The following CHRNA6 variants were observed in gnomAD, a reference collection of about 807,000 sequenced individuals.
CHRNA6 encodes cholinergic receptor nicotinic alpha 6 subunit.
CHRNA6 carries 31 observed loss-of-function variants against 40.9 expected under a neutral mutation model. That is an observed-to-expected ratio of 0.76 (90% CI 0.57 to 1.02). The LOEUF is 1.02. CHRNA6 is among the 50% of genes least tolerant of loss of function. The pLI is 0.00. For missense variants in CHRNA6, 546 were observed against 596.6 expected (o/e 0.92, Z 0.88); for synonymous variants, 222 against 221.3 (o/e 1.00, Z -0.03).
Position 42,759,133 on chromosome 8 carries a change from C to T in CHRNA6, c.220-20G>A, listed in dbSNP as rs927586215. The T allele has an allele frequency of 1.9e-6, 3 of 1,607,736 alleles. No homozygotes were observed. In the Admixed American group the frequency reaches 5.0e-5, roughly 27 times the overall value. On this transcript the variant is annotated intron_variant, in intron 2 of 5. Transcript: ENST00000276410. ...TTCATCCTGGGAAGAAGAAATAATA[C>T]TTTTAGCCTCAAATGTGCTTGCCAT...
intron 1 of CHRNA6, among the ~76,000 whole-genome samples, chr8:42,767,333 G>A (rs895415131): frequency 6.6e-6 from 1 of 152,142 alleles, no homozygotes; most frequent in African/African-American, 2.4e-5. Context: ...CTAAATTCTA[G>A]ACAATAACTT....
In CHRNA6 at chr8:42,757,005, T is replaced by C; in HGVS notation, c.297A>G (p.Pro99=). ...IWNDYKLRWD[P]MEYDGIETLR... ...GAGTCTCAATGCCATCATATTCCAT[T>C]GGATCCCAGCGCAATTTATAATCAT... The change falls in exon 4 of 6, where the codon CCA becomes CCG. Residue 99 remains proline, a synonymous_variant. Coordinates refer to ENST00000276410, the MANE Select transcript of CHRNA6 (RefSeq NM_004198.3). 6.2e-7 allele frequency: 1 copy of C among 1,613,310 alleles called. No individual in the cohort carries two copies. The highest frequency in any genetic ancestry group is 8.5e-7 in the Non-Finnish European group (1 of 1,179,214).
chr8:42,768,280 G>C lies in CHRNA6; in HGVS notation c.79+72C>G. The C allele has an allele frequency of 2.4e-6, 3 of 1,237,644 alleles. No homozygotes were observed. In the South Asian group the frequency reaches 3.8e-5, roughly 16 times the overall value. 76.7% of individuals were successfully genotyped at this position (1,237,644 alleles called of 1,614,324 possible). On this transcript the variant is annotated intron_variant, in intron 1 of 5. Coordinates refer to ENST00000276410, the MANE Select transcript of CHRNA6 (RefSeq NM_004198.3). The stretch of plus-strand genomic sequence containing the variant: ...AACTTTTATTAATATATCTTCTCAA[G>C]CACAACTAGAAAAGAGAGTAAACAC...
In CHRNA6 at chr8:42,755,921, C is replaced by CGAGT. The variant is rs1563623563; in HGVS notation, c.1274_1277dup (p.Pro427LeufsTer3). ...TGTTAATCACATCTTCAACTTCAGG[C>CGAGT]GAGTGCTCCGAATTTTCCACCACCC... On this transcript the variant is annotated frameshift_variant, in exon 5 of 6. Coordinates refer to ENST00000276410, the MANE Select transcript of CHRNA6 (RefSeq NM_004198.3). LOFTEE classifies it high-confidence loss of function. 1 of 1,614,084 alleles carries CGAGT rather than the reference C, an allele frequency of 6.2e-7. No individual in the cohort carries two copies. The highest frequency in any genetic ancestry group is 1.3e-5 in the African/African-American group (1 of 74,938).
chr8:42,755,175 C>T (rs894820517), intron 5 of CHRNA6, among the ~76,000 whole-genome samples: 27 of 144,072 alleles, frequency 1.9e-4, no homozygotes, highest in African/African-American at 3.7e-4. Flanking sequence ...TGCACCAACA[C>T]GCCTGCTAAT....
At chr8:42,764,937 C>T in intron 2 of CHRNA6, 128 bp downstream of exon 2, 1 of 1,035,210 alleles carries the variant, frequency 9.7e-7, no homozygotes, top group Non-Finnish European at 1.4e-6. Flanking sequence ...GCCTGCCTCC[C>T]AAATGGATGG....
chr8:42,764,786 G>T (rs1043103961), intron 2 of CHRNA6, among the ~76,000 whole-genome samples: 1 of 152,142 alleles, frequency 6.6e-6, no homozygotes, highest in African/African-American at 2.4e-5. Context: ...GTGTAAACAG[G>T]CGTCTGGTGC....
chr8:42,755,269 A>ATGTTTGTTTGTTTGTTTGTT (rs111982947), intron 5 of CHRNA6, among the ~76,000 whole-genome samples: 53 of 148,374 alleles, frequency 3.6e-4, no homozygotes, highest in African/African-American at 1.1e-3. Context: ...GTTGCCCTGA[A>ATGTTTGTTTGTTTGTTTGTT]TGTTTGTTTG....
chr8:42,758,050 A>AT (rs1816836861), intron 3 of CHRNA6, among the ~76,000 whole-genome samples: 1 of 151,844 alleles, frequency 6.6e-6, no homozygotes, highest in African/African-American at 2.4e-5. Context: ...AAACCAAAAA[A>AT]CAAAAAAAAA....
rs758160316 is a variant in CHRNA6, at chr8:42,765,085, T to A, written c.199A>T (p.Ile67Phe). ...DPVTVHFEVA[I>F]TQLANVDEVN... ...CTCACCACGTTGGCCAGCTGGGTGA[T>A]GGCCACTTCAAAGTGTACCGTGACA... is the stretch of plus-strand genomic sequence containing the variant. The change falls in exon 2 of 6, where the codon ATC (isoleucine) becomes TTC (phenylalanine). Residue 67 changes from isoleucine to phenylalanine, a missense_variant. Ile to Phe is a conservative substitution (Grantham distance 21). Transcript: ENST00000276410. 6.2e-7 allele frequency: 1 copy of A among 1,614,162 alleles called. No homozygotes were observed. The highest frequency in any genetic ancestry group is 2.2e-5 in the East Asian group (1 of 44,886).
At position 42,768,388 on chromosome 8, in the gene CHRNA6, A is replaced by C. The variant is rs200229186; in HGVS notation, c.43T>G (p.Cys15Gly). Residue 15 changes from cysteine (C) to glycine (G), a missense_variant, in exon 1 of 6, where the codon TGT becomes GGT. By Grantham distance (159) the Cys-to-Gly change is radical. Coordinates refer to ENST00000276410, the MANE Select transcript of CHRNA6 (RefSeq NM_004198.3). ...KGQGFLHGGL[C>G]LWLCVFTPFF... ...GGTGTGAACACACACAGCCAGAGACACAAGCCCCCATGAAGGAATCCCTGC... is the reference window on the plus strand; with the variant it reads ...GGTGTGAACACACACAGCCAGAGACCCAAGCCCCCATGAAGGAATCCCTGC... The C allele has an allele frequency of 2.2e-5, 35 of 1,614,202 alleles. No individual in the cohort carries two copies. The African/African-American group carries it at 3.7e-4, about 17-fold the overall frequency.
At chr8:42,757,896 G>T (rs1271334035) in intron 3 of CHRNA6, among the ~76,000 whole-genome samples, 4 of 148,540 alleles carry the variant, frequency 2.7e-5, no homozygotes, top group African/African-American at 9.9e-5. Flanking sequence ...TTAGCCGGGC[G>T]TGGTGGCGGG....
Position 42,759,055 on chromosome 8 carries a change from A to G in CHRNA6, c.264+14T>C. 1 of 1,604,280 alleles carries G rather than the reference A, an allele frequency of 6.2e-7. No individual in the cohort carries two copies. The highest frequency in any genetic ancestry group is 8.5e-7 in the Non-Finnish European group (1 of 1,171,028). ...TTCAACATCATTAAGCCAACACATGATATAGGCACATACGTGACGCAGCCA... is the reference window on the plus strand; with the variant it reads ...TTCAACATCATTAAGCCAACACATGGTATAGGCACATACGTGACGCAGCCA... On this transcript the variant is annotated intron_variant, in intron 3 of 5. Transcript: ENST00000276410.
chr8:42,755,052 T>TC (rs1465383082), intron 5 of CHRNA6, among the ~76,000 whole-genome samples: 1 of 150,664 alleles, frequency 6.6e-6, no homozygotes, highest in Non-Finnish European at 1.5e-5. Flanking sequence ...TTTTTTTTTT[T>TC]TTTCCTGAGA....
rs144573255 is a variant in CHRNA6, at chr8:42,755,922, G to C, written c.1277C>G (p.Ser426Trp). 124 of 1,614,092 alleles carry C rather than the reference G, an allele frequency of 7.7e-5. No individual in the cohort carries two copies. Among genetic ancestry groups the C allele is most frequent in the Non-Finnish European group, 1.0e-4 (122 of 1,180,030 alleles). ...LQWVVENSEHSPEVEDVINSV... is the reference protein window; with the variant it reads ...LQWVVENSEHWPEVEDVINSV... ...GTTAATCACATCTTCAACTTCAGGC[G>C]AGTGCTCCGAATTTTCCACCACCCA... is the stretch of plus-strand genomic sequence containing the variant. Residue 426 changes from serine to tryptophan, a missense_variant, in exon 5 of 6, where the codon TCG becomes TGG. By Grantham distance (177) the Ser-to-Trp change is radical. Around this residue, in one of 3 missense-constraint regions of CHRNA6, gnomAD observed 65 missense variants for 83.8 expected, o/e 0.78. Coordinates refer to ENST00000276410, the MANE Select transcript of CHRNA6 (RefSeq NM_004198.3).
At chr8:42,754,829 G>A (rs1346909274) in intron 5 of CHRNA6, among the ~76,000 whole-genome samples, 4 of 152,060 alleles carry the variant, frequency 2.6e-5, no homozygotes, top group Non-Finnish European at 2.9e-5. Flanking sequence ...GTACGTGAAC[G>A]CTAAAAATAT....
At chr8:42,761,142 C>G in intron 2 of CHRNA6, among the ~76,000 whole-genome samples, 1 of 152,208 alleles carries the variant, frequency 6.6e-6, no homozygotes, top group East Asian at 1.9e-4. Context: ...AACAGAAACC[C>G]TGCTGGGCTT....
chr8:42,761,522 GA>G (rs1816904034), intron 2 of CHRNA6, among the ~76,000 whole-genome samples: 1 of 152,246 alleles, frequency 6.6e-6, no homozygotes, highest in South Asian at 2.1e-4. Flanking sequence ...AGAAGGCTGA[GA>G]TCAGTTGGCA....
In CHRNA6 at chr8:42,756,346, A is replaced by G; in HGVS notation, c.853T>C (p.Phe285Leu). ...ATGGTTTCTGTGATGACCAGCAAAAACACAGTCAGAGAAAGCAGGACTGAA... is the reference window on the plus strand; with the variant it reads ...ATGGTTTCTGTGATGACCAGCAAAAGCACAGTCAGAGAAAGCAGGACTGAA... ...CISVLLSLTV[F>L]LLVITETIPS... The change falls in exon 5 of 6, where the codon TTT becomes CTT. Residue 285 changes from phenylalanine (F) to leucine (L), a missense_variant. Physicochemically the swap from Phe to Leu is conservative, Grantham distance 22. Transcript: ENST00000276410. The G allele has an allele frequency of 6.8e-6, 11 of 1,614,250 alleles. No individual in the cohort carries two copies. The highest frequency in any genetic ancestry group is 9.3e-6 in the Non-Finnish European group (11 of 1,180,046).
Sources: allele counts gnomAD v4.1 joint callset (sites outside exome capture counted in the v4.1 genomes callset), GRCh38; gene constraint gnomAD v4.1.1; regional missense constraint gnomAD v4.1.1; transcripts MANE v1.5; gene names NCBI Gene and HGNC (gene_info 2026-07-23, HGNC 2026-07-21).